The following NFKBIZ variants were observed in gnomAD, a reference collection of about 807,000 sequenced individuals.
The protein encoded by NFKBIZ is NF-kappa-B inhibitor zeta.
In NFKBIZ, 19 loss-of-function variants were observed where a neutral mutation model predicts 76.8. The ratio of observed to expected loss-of-function variants is 0.25; its 90% CI spans 0.17 to 0.36. The LOEUF (loss-of-function observed/expected upper bound fraction) is 0.36, where lower values mean the gene tolerates loss of function less well. Among genes scored for constraint, NFKBIZ ranks in the 10% least tolerant of loss-of-function variants. The pLI is 1.00. For synonymous variants in NFKBIZ, 368 were observed against 354.8 expected, an observed-to-expected ratio of 1.04 and a Z score of -0.42; for missense variants, 829 against 910.9, an observed-to-expected ratio of 0.91 and a Z score of 1.16.
chr3:101,852,002 C>T, intron 1 of NFKBIZ, 83 bp from the exon 2 acceptor site: 5 of 1,514,484 alleles, frequency 3.3e-6, no homozygotes, highest in Non-Finnish European at 4.5e-6. Context: ...ATACATTAGG[C>T]AACAGCTATA....
intron 11 of NFKBIZ, chr3:101,857,811 C>A: frequency 2.0e-6 from 2 of 984,320 alleles, no homozygotes; most frequent in South Asian, 4.7e-5. Context: ...AATGTATGAG[C>A]CTTCAAATAT....
At position 101,860,243 on chromosome 3, in the gene NFKBIZ, A is replaced by G. The variant is rs1943113031; in HGVS notation, c.*872A>G. 6.7e-6 allele frequency: 1 copy of G among 149,572 alleles called. No homozygotes were observed. Among genetic ancestry groups the G allele is most frequent in the East Asian group, 2.0e-4 (1 of 5,078 alleles). 9.3% of individuals were successfully genotyped at this position (149,572 alleles called of 1,614,324 possible). A position where few individuals can be genotyped will look rare whatever the true frequency, so the allele number is the denominator to read the frequency against. ...GGCGCCCAGGCTGGAGTACAGTGGC[A>G]TGATCTTGGCTCACTTCAGCCTTGA... On this transcript the variant is annotated 3_prime_UTR_variant, in exon 12 of 12. Transcript: ENST00000326172.
intron 1 of NFKBIZ, 140 bp downstream of exon 1, chr3:101,850,057 CCCG>C: frequency 1.1e-6 from 1 of 872,782 alleles, no homozygotes; most frequent in South Asian, 3.6e-5. Flanking sequence ...ATTACCACTC[CCCG>C]CCTTGCCCGG....
At chr3:101,854,966 CTG>C (rs2107419637) in intron 6 of NFKBIZ, 94 bp from the exon 7 acceptor site, 4 of 1,309,358 alleles carry the variant, frequency 3.1e-6, no homozygotes, top group Non-Finnish European at 4.2e-6. Context: ...TATTTTCTCT[CTG>C]TGGGTTTTTC....
At chr3:101,851,620 T>C (rs1412802702) in intron 1 of NFKBIZ, among the ~76,000 whole-genome samples, 1 of 152,204 alleles carries the variant, frequency 6.6e-6, no homozygotes, top group Non-Finnish European at 1.5e-5. Flanking sequence ...AAACCATTGG[T>C]TTAAAAAGCT....
intron 2 of NFKBIZ, among the ~76,000 whole-genome samples, chr3:101,841,530 A>G (rs1000831716): frequency 7.2e-5 from 11 of 152,216 alleles, no homozygotes; most frequent in African/African-American, 2.7e-4. Flanking sequence ...AAGCACTACC[A>G]TATTGAAGAA....
chr3:101,844,893 T>TACTG (rs764096145), upstream of NFKBIZ, among the ~76,000 whole-genome samples: 3 of 152,250 alleles, frequency 2.0e-5, no homozygotes, highest in Non-Finnish European at 4.4e-5. Context: ...TCCTGTAAGA[T>TACTG]ACTGGCTTTT....
chr3:101,859,284 TA>T (rs1287909481), intron 11 of NFKBIZ, 33 bp from the exon 12 acceptor site: 5 of 1,595,192 alleles, frequency 3.1e-6, no homozygotes, highest in Non-Finnish European at 4.3e-6. Context: ...CCATAAGAAA[TA>T]AACCTCACAA....
At chr3:101,854,881 A>G (rs919960974) in intron 6 of NFKBIZ, among the ~76,000 whole-genome samples, 181 bp from the exon 7 acceptor site, 5 of 152,194 alleles carry the variant, frequency 3.3e-5, no homozygotes, top group African/African-American at 1.2e-4. Flanking sequence ...CCAAACACTG[A>G]GAGTAATAAA....
intron 1 of NFKBIZ, among the ~76,000 whole-genome samples, chr3:101,851,690 G>C (rs1341683133): frequency 1.3e-5 from 2 of 152,150 alleles, no homozygotes; most frequent in East Asian, 3.8e-4. Flanking sequence ...AATAATTATA[G>C]AACTATGAGA....
intron 2 of NFKBIZ, among the ~76,000 whole-genome samples, chr3:101,841,379 G>T (rs685666): frequency 6.6e-6 from 1 of 152,024 alleles, no homozygotes; most frequent in African/African-American, 2.4e-5. Context: ...TGTCTCAGAA[G>T]TAGTAATTGT....
rs577868551 is a variant in NFKBIZ at position 101,853,699 on chromosome 3, C to G, written c.1173C>G (p.Ala391=). Residue 391 remains alanine, a synonymous_variant, in exon 5 of 12, where the codon GCC becomes GCG. Transcript: ENST00000326172. ...ACEAMVGHEM[A]SDSSNTSLPF... is the part of the protein sequence containing the mutation. ...AGGCCATGGTGGGGCACGAGATGGC[C>G]TCTGACTCTTCAAACACTTCACTGC... is the stretch of plus-strand genomic sequence containing the variant. 9 of 1,614,256 alleles carry G rather than the reference C, an allele frequency of 5.6e-6. No individual in the cohort carries two copies. Among genetic ancestry groups the G allele is most frequent in the Non-Finnish European group, 7.6e-6 (9 of 1,180,054 alleles).
At chr3:101,842,848 G>C (rs1019401033) in intron 2 of NFKBIZ, among the ~76,000 whole-genome samples, 5 of 151,050 alleles carry the variant, frequency 3.3e-5, no homozygotes, top group African/African-American at 1.2e-4. Flanking sequence ...GGCCTGTCTT[G>C]GATAGTGGAA....
intron 2 of NFKBIZ, among the ~76,000 whole-genome samples, chr3:101,831,234 GGAAAAAT>G: frequency 6.6e-6 from 1 of 152,174 alleles, no homozygotes; most frequent in African/African-American, 2.4e-5. Flanking sequence ...GGTTCTTCAG[GGAAAAAT>G]CTTAGCTATT....
intron 6 of NFKBIZ, 27 bp downstream of exon 6, chr3:101,854,710 G>C (rs1283537923): frequency 6.7e-7 from 1 of 1,494,532 alleles, no homozygotes; most frequent in Non-Finnish European, 9.3e-7. Flanking sequence ...AGTCTGAAAT[G>C]GCAAAGAGGG....
chr3:101,858,257 T>C (rs1315678326), intron 11 of NFKBIZ: 1 of 976,446 alleles, frequency 1.0e-6, no homozygotes, highest in Non-Finnish European at 1.2e-6. Flanking sequence ...GACCATAATG[T>C]TATAGTAGCC....
chr3:101,849,314 C>T (rs529489718), upstream of NFKBIZ: 1 of 248,302 alleles, frequency 4.0e-6, no homozygotes, highest in Non-Finnish European at 7.7e-6. Flanking sequence ...ACCGGTCGGT[C>T]TGGGCGGAGC....
intron 9 of NFKBIZ, chr3:101,856,134 T>G: frequency 7.6e-6 from 2 of 263,976 alleles, no homozygotes; most frequent in South Asian, 1.3e-4. Flanking sequence ...CACTGCAACC[T>G]CCGACTCCCT....
intron 11 of NFKBIZ, 21 bp downstream of exon 11, chr3:101,857,480 A>G (rs753225783): frequency 6.2e-7 from 1 of 1,613,010 alleles, no homozygotes; most frequent in Non-Finnish European, 8.5e-7. Flanking sequence ...CAGGAGGGAG[A>G]GGAAGTATTT....
Sources: gnomAD v4.1 joint callset for allele counts (sites outside exome capture counted in the v4.1 genomes callset) on GRCh38, gnomAD v4.1.1 for gene constraint, MANE v1.5 for transcripts, NCBI Gene and HGNC (gene_info 2026-07-23, HGNC 2026-07-21) for gene names.